CEP164: variants seen among roughly 807,000 people sequenced by gnomAD.
CEP164 encodes centrosomal protein 164, also known as centrosomal protein of 164 kDa.
A neutral mutation model predicts 182.7 loss-of-function variants in CEP164; 162 were observed. The ratio of observed to expected loss-of-function variants is 0.89; its 90% CI spans 0.78 to 1.01. The LOEUF is 1.01. CEP164 is among the 50% of genes least tolerant of loss of function. CEP164 has a pLI of 0.00. For synonymous variants in CEP164, 661 were observed against 690.0 expected, an observed-to-expected ratio of 0.96 and a Z score of 0.66; for missense variants, 1,735 against 1,790.4, an observed-to-expected ratio of 0.97 and a Z score of 0.56.
Position 117,392,625 on chromosome 11 carries a change from G to C in CEP164, c.2491G>C (p.Glu831Gln), listed in dbSNP as rs977065085. The C allele has an allele frequency of 3.8e-5, 61 of 1,613,872 alleles. No homozygotes were observed. The highest frequency in any genetic ancestry group is 5.1e-5 in the Non-Finnish European group (60 of 1,179,922). ...TTATCACGTGGCTGGGTATGAGCAC[G>C]AGGTGAGTGCTGCTCTGTCTTCCAC... ...KSYHVAGYEH[E>Q]LSSLLREKRQ... The change falls in exon 19 of 33, where the codon GAG becomes CAG. Residue 831 changes from glutamate (E) to glutamine (Q), a missense_variant and splice_region_variant. By Grantham distance (29) the Glu-to-Gln change is conservative. Coordinates refer to ENST00000278935, the MANE Select transcript of CEP164 (RefSeq NM_014956.5).
chr11:117,364,407 C>T (rs2041384165), intron 8 of CEP164, among the ~76,000 whole-genome samples: 1 of 152,078 alleles, frequency 6.6e-6, no homozygotes, highest in Non-Finnish European at 1.5e-5. Flanking sequence ...CTCATTATCC[C>T]TTATTATTTC....
In CEP164 at chr11:117,397,214, C is replaced by T. The variant is rs779234423; in HGVS notation, c.3402C>T (p.Ala1134=). The T allele has an allele frequency of 6.8e-6, 11 of 1,614,110 alleles. No individual in the cohort carries two copies. In the Admixed American group the frequency reaches 1.0e-4, roughly 15 times the overall value. ...MRRRQTALKA[A]QQHWRHELAS... ...GGCGGCAGACAGCTCTGAAAGCTGCCCAGCAGCATTGGCGCCATGAGCTGG... is the reference window on the plus strand; with the variant it reads ...GGCGGCAGACAGCTCTGAAAGCTGCTCAGCAGCATTGGCGCCATGAGCTGG... The change falls in exon 27 of 33, where the codon GCC becomes GCT. Residue 1134 remains alanine (A), a synonymous_variant. Coordinates refer to ENST00000278935, the MANE Select transcript of CEP164 (RefSeq NM_014956.5).
At chr11:117,362,298 C>T in intron 6 of CEP164, 106 bp from the exon 7 acceptor site, 1 of 1,252,742 alleles carries the variant, frequency 8.0e-7, no homozygotes, top group Non-Finnish European at 1.1e-6. Flanking sequence ...GACATGGTGG[C>T]ACTTGATCTG....
In CEP164 at chr11:117,403,091, C is replaced by T. The variant is rs1425962060; in HGVS notation, c.3502-4834C>T. 2.0e-5 allele frequency among the ~76,000 whole-genome samples: 3 copies of T among 152,220 alleles called. No homozygotes were observed. The South Asian group carries it at 6.2e-4, about 32-fold the overall frequency. On this transcript the variant is annotated intron_variant, in intron 27 of 32. Coordinates refer to ENST00000278935, the MANE Select transcript of CEP164 (RefSeq NM_014956.5). The stretch of plus-strand genomic sequence containing the variant: ...GCACACGAGGTGGGTCTCCTGAATA[C>T]AGCACACTGGTGGGTCTTGACTGTT...
In CEP164 at chr11:117,388,834, C is replaced by T. The variant is rs192016342; in HGVS notation, c.1934+1422C>T. The stretch of plus-strand genomic sequence containing the variant: ...CCAGGCTGGAGTACAGTGGCTTACT[C>T]GGCTCACTGCAAGCTCCGCCTCCCA... On this transcript the variant is annotated intron_variant, in intron 15 of 32. Transcript: ENST00000278935. 6.6e-3 allele frequency among the ~76,000 whole-genome samples: 1,003 copies of T among 151,432 alleles called. 10 individuals carry two copies. The highest frequency in any genetic ancestry group is 8.5e-3 in the Non-Finnish European group (578 of 67,932).
chr11:117,341,321 C>T (rs779122118), intron 3 of CEP164, among the ~76,000 whole-genome samples: 1 of 152,160 alleles, frequency 6.6e-6, no homozygotes, highest in Non-Finnish European at 1.5e-5. Context: ...TAAAGCAGAT[C>T]ATGTCAGGGC....
chr11:117,381,763 A>G lies in CEP164; in HGVS notation c.1472A>G (p.Glu491Gly). 1 of 1,607,496 alleles carries G rather than the reference A, an allele frequency of 6.2e-7. No individual in the cohort carries two copies. The highest frequency in any genetic ancestry group is 1.1e-5 in the South Asian group (1 of 89,606). ...AQSPPRSLAT[E>G]EEPPQGPEGQ... ...AGTCCCCCTCGCAGCCTGGCCACTG[A>G]AGAAGAGCCTCCCCAGGGCCCCGAG... The change falls in exon 13 of 33, where the codon GAA (glutamate) becomes GGA (glycine). Residue 491 changes from glutamate (E) to glycine (G), a missense_variant. Coordinates refer to ENST00000278935, the MANE Select transcript of CEP164 (RefSeq NM_014956.5).
At chr11:117,356,751 A>G in intron 5 of CEP164, 2 of 926,430 alleles carry the variant, frequency 2.2e-6, no homozygotes, top group Non-Finnish European at 2.7e-6. Flanking sequence ...TGGCCCTTTA[A>G]CTACCCAAAT....
intron 11 of CEP164, among the ~76,000 whole-genome samples, chr11:117,377,031 A>G (rs534000352): frequency 2.6e-5 from 4 of 152,188 alleles, no homozygotes; most frequent in East Asian, 1.9e-4. Context: ...TTTTTGGGCT[A>G]TGCCACTTGC....
At chr11:117,355,483 C>A in intron 5 of CEP164, 13 of 1,289,592 alleles carry the variant, frequency 1.0e-5, no homozygotes, top group Non-Finnish European at 1.3e-5. Flanking sequence ...ACAGCCACAG[C>A]TTAGCCAAAC....
Position 117,412,305 on chromosome 11 carries a change from G to A in CEP164, c.*137G>A, listed in dbSNP as rs1766825556. 8 of 688,482 alleles carry A rather than the reference G, an allele frequency of 1.2e-5. No homozygotes were observed. The Admixed American group carries it at 2.0e-4, about 17-fold the overall frequency. The allele number at this position is 688,482 out of a possible 1,614,324, so 42.6% of individuals were successfully genotyped here. A position where few individuals can be genotyped will look rare whatever the true frequency, so the allele number is the denominator to read the frequency against. ...TTGCAGGAGCCACCAGGGACCAGGG[G>A]GTTGAGTGGAACAGTAAAGCCACAC... On this transcript the variant is annotated 3_prime_UTR_variant, in exon 33 of 33. Coordinates refer to ENST00000278935, the MANE Select transcript of CEP164 (RefSeq NM_014956.5).
chr11:117,329,453 G>C (rs1415861570), intron 1 of CEP164, among the ~76,000 whole-genome samples: 3 of 152,188 alleles, frequency 2.0e-5, no homozygotes, highest in African/African-American at 7.2e-5. Context: ...TGTCAGAATG[G>C]TTAAGAGTTT....
At position 117,411,961 on chromosome 11, in the gene CEP164, C is replaced by CT; in HGVS notation, c.4286+45dup. 6.2e-7 allele frequency: 1 copy of CT among 1,612,428 alleles called. No individual in the cohort carries two copies. The highest frequency in any genetic ancestry group is 8.5e-7 in the Non-Finnish European group (1 of 1,179,128). On this transcript the variant is annotated intron_variant, in intron 32 of 32. Transcript: ENST00000278935. The surrounding 1 kb of genome is among the most constrained non-coding windows in gnomAD (Gnocchi z 4.4). ...CCCAAACTGGGCTGGGCTGTGGGGA[C>CT]TGTGCTTGTGCCCTGAGGGGCTGAG...
intron 4 of CEP164, among the ~76,000 whole-genome samples, chr11:117,347,185 G>A (rs1404523537): frequency 6.6e-6 from 1 of 152,102 alleles, no homozygotes; most frequent in African/African-American, 2.4e-5. Flanking sequence ...TTATATTGAA[G>A]GACATTTAGA....
At chr11:117,404,598 A>G (rs1186564883) in intron 27 of CEP164, among the ~76,000 whole-genome samples, 1 of 152,196 alleles carries the variant, frequency 6.6e-6, no homozygotes, top group Admixed American at 6.5e-5. Flanking sequence ...GACCCCTGCT[A>G]GGCGGTGTCT....
chr11:117,334,237 T>C (rs977901941), intron 1 of CEP164, among the ~76,000 whole-genome samples: 7 of 152,218 alleles, frequency 4.6e-5, no homozygotes, highest in African/African-American at 1.7e-4. Context: ...CTCGAGTGAG[T>C]AGATGATCTT....
chr11:117,406,869 G>C (rs868415756), intron 27 of CEP164, among the ~76,000 whole-genome samples: 90 of 152,254 alleles, frequency 5.9e-4, no homozygotes, highest in African/African-American at 2.0e-3. Context: ...GCCGGGGCGG[G>C]TGGATCACGA....
intron 4 of CEP164, among the ~76,000 whole-genome samples, chr11:117,350,256 G>A (rs2039455113): frequency 6.6e-6 from 1 of 151,894 alleles, no homozygotes; most frequent in Non-Finnish European, 1.5e-5. Context: ...AGGCTGGAGT[G>A]CAGTGGTGTG....
At chr11:117,326,805 T>C (rs1164779570), upstream of CEP164, among the ~76,000 whole-genome samples, 1 of 152,224 alleles carries the variant, frequency 6.6e-6, no homozygotes, top group Non-Finnish European at 1.5e-5. Context: ...GGAGCGGCTC[T>C]ATGAGCTTGG....
Sources: gnomAD v4.1 joint callset for allele counts (sites outside exome capture counted in the v4.1 genomes callset) on GRCh38, gnomAD v4.1.1 for gene constraint, Gnocchi (gnomAD v3.1) non-coding constraint, MANE v1.5 for transcripts, NCBI Gene and HGNC (gene_info 2026-07-23, HGNC 2026-07-21) for gene names.